MAN2B2: variants seen among roughly 807,000 people sequenced by gnomAD.
The protein encoded by MAN2B2 is mannosidase alpha class 2B member 2.
A neutral mutation model predicts 117.1 loss-of-function variants in MAN2B2; 106 were observed. The observed-to-expected ratio is 0.90, with a 90% confidence interval of 0.77 to 1.06. The LOEUF (loss-of-function observed/expected upper bound fraction) is 1.06, where lower values mean the gene tolerates loss of function less well. MAN2B2 is among the 50% of genes least tolerant of loss of function. The pLI, the probability that MAN2B2 is intolerant of heterozygous loss-of-function variation, is 0.00. For synonymous variants in MAN2B2, 544 were observed against 595.1 expected (o/e 0.91, Z 1.25); for missense variants, 1,326 against 1,381.4 (o/e 0.96, Z 0.64).
chr4:6,583,808 G>T (rs1296054698), intron 3 of MAN2B2, among the ~76,000 whole-genome samples: 6 of 152,180 alleles, frequency 3.9e-5, no homozygotes, highest in Admixed American at 3.9e-4. Flanking sequence ...GACTTTATAG[G>T]CTGGTCCCCT....
chr4:6,603,684 A>G (rs1488061326), intron 10 of MAN2B2, among the ~76,000 whole-genome samples: 1 of 152,140 alleles, frequency 6.6e-6, no homozygotes, highest in Non-Finnish European at 1.5e-5. Flanking sequence ...TGCCTGGGGC[A>G]TCTATTCCAG....
chr4:6,593,270 A>G lies in MAN2B2; in HGVS notation c.778A>G (p.Asn260Asp), dbSNP rs529902345. The change falls in exon 6 of 19, where the codon AAC (asparagine) becomes GAC (aspartate). Residue 260 changes from asparagine to aspartate, a missense_variant. Transcript: ENST00000285599. The part of the protein sequence containing the change: ...MSEPVTPANI[N>D]LYAEALVANV... ...TGAGCCTGTCACCCCAGCCAACATC[A>G]ACCTCTATGCCGAGGCCCTGGTGGC... 2.5e-6 allele frequency: 4 copies of G among 1,613,886 alleles called. No individual in the cohort carries two copies. The highest frequency in any genetic ancestry group is 3.4e-6 in the Non-Finnish European group (4 of 1,179,958).
intron 15 of MAN2B2, among the ~76,000 whole-genome samples, chr4:6,613,760 AAAG>A (rs149459615): frequency 0.041 from 6,040 of 145,966 alleles, 219 homozygotes; most frequent in East Asian, 0.12. Context: ...AGGGAAAAGA[AAAG>A]AAGAGAGGGA....
chr4:6,579,283 T>TCACCAC (rs1560634954), intron 3 of MAN2B2, among the ~76,000 whole-genome samples: 2 of 9,508 alleles, frequency 2.1e-4, no homozygotes, highest in South Asian at 3.4e-3. Flanking sequence ...ACCACCACCA[T>TCACCAC]CACCATCACC....
Position 6,609,259 on chromosome 4 carries a change from C to A in MAN2B2, c.1967C>A (p.Ala656Glu). The A allele has an allele frequency of 1.9e-6, 3 of 1,614,110 alleles. No homozygotes were observed. The highest frequency in any genetic ancestry group is 1.7e-6 in the Non-Finnish European group (2 of 1,180,000). Reference protein sequence around the residue: ...AWEAVEMEIVAGQLVTEIRQY... With the variant: ...AWEAVEMEIVEGQLVTEIRQY... ...GAAGCTGTGGAAATGGAGATTGTGG[C>A]GGGACAGCTTGTGACTGAGATCCGG... is the stretch of plus-strand genomic sequence containing the variant. Residue 656 changes from alanine (A) to glutamate (E), a missense_variant, in exon 12 of 19, where the codon GCG (alanine) becomes GAG (glutamate). Coordinates refer to ENST00000285599, the MANE Select transcript of MAN2B2 (RefSeq NM_015274.3).
intron 18 of MAN2B2, 197 bp downstream of exon 18, chr4:6,620,241 C>T (rs1425430685): frequency 5.5e-6 from 3 of 542,388 alleles, no homozygotes; most frequent in Non-Finnish European, 1.0e-5. Context: ...TCTCTGCCTG[C>T]CAGGGCTCCA....
In MAN2B2 at chr4:6,593,244, GT is replaced by G; in HGVS notation, c.753del (p.Ser251ArgfsTer20). 6.2e-7 allele frequency: 1 copy of G among 1,614,018 alleles called. No homozygotes were observed. On this transcript the variant is annotated frameshift_variant, in exon 6 of 19. Transcript: ENST00000285599. LOFTEE classifies it high-confidence loss of function. ...PPQDGVYPNM[S>X]EPVTPANINL... ...CAAGATGGGGTGTACCCCAACATGAGTGAGCCTGTCACCCCAGCCAACATCA... is the reference window on the plus strand; with the variant it reads ...CAAGATGGGGTGTACCCCAACATGAGGAGCCTGTCACCCCAGCCAACATCA...
chr4:6,611,658 T>A (rs952919997), intron 15 of MAN2B2, among the ~76,000 whole-genome samples: 6 of 152,224 alleles, frequency 3.9e-5, no homozygotes, highest in African/African-American at 9.6e-5. Context: ...TGGTGGCGCA[T>A]GCCTGTAATC....
At chr4:6,579,307 C>CCACCATCACCAT (rs1560635041) in intron 3 of MAN2B2, among the ~76,000 whole-genome samples, 4 of 66,816 alleles carry the variant, frequency 6.0e-5, no homozygotes, top group Non-Finnish European at 6.6e-5. Context: ...ACCATCACCA[C>CCACCATCACCAT]CACCACCACC....
chr4:6,613,278 C>G (rs1272703424), intron 15 of MAN2B2, among the ~76,000 whole-genome samples: 2 of 152,072 alleles, frequency 1.3e-5, no homozygotes, highest in Non-Finnish European at 2.9e-5. Context: ...GAACTGGCAT[C>G]CCAGATCTTG....
intron 9 of MAN2B2, among the ~76,000 whole-genome samples, chr4:6,598,828 C>G (rs766159794): frequency 2.6e-5 from 4 of 152,182 alleles, no homozygotes; most frequent in Non-Finnish European, 5.9e-5. Flanking sequence ...GGGGCCCGGT[C>G]CCTTCCTGGC....
rs545720173 is a variant in MAN2B2, at chr4:6,587,101, C to T, written c.497C>T (p.Ala166Val). The change falls in exon 4 of 19, where the codon GCG becomes GTG. Residue 166 changes from alanine (A) to valine (V), a missense_variant. Coordinates refer to ENST00000285599, the MANE Select transcript of MAN2B2 (RefSeq NM_015274.3). ...SATTPTLFALAGFNAHLGSRI... is the reference protein window; with the variant it reads ...SATTPTLFALVGFNAHLGSRI... ...ACGACGCCCACCCTATTTGCGCTGGCGGGCTTCAATGCCCACCTCGGCTCC... is the reference window on the plus strand; with the variant it reads ...ACGACGCCCACCCTATTTGCGCTGGTGGGCTTCAATGCCCACCTCGGCTCC... The T allele has an allele frequency of 5.0e-6, 8 of 1,613,978 alleles. No homozygotes were observed. In the East Asian group the frequency reaches 8.9e-5, roughly 18 times the overall value.
intron 12 of MAN2B2, 34 bp downstream of exon 12, chr4:6,609,332 A>T (rs1310496465): frequency 6.2e-7 from 1 of 1,602,092 alleles, no homozygotes; most frequent in Non-Finnish European, 8.5e-7. Flanking sequence ...ACAGCCCGGC[A>T]CACAGTCAGC....
In MAN2B2 at chr4:6,586,879, T is replaced by C. The variant is rs1431012703; in HGVS notation, c.392-117T>C. ...CTCTGCAGTTCTGCATGACCCTGCC[T>C]GGCCCAGTAGCTGGCACTGCAACCC... On this transcript the variant is annotated intron_variant, in intron 3 of 18. Coordinates refer to ENST00000285599, the MANE Select transcript of MAN2B2 (RefSeq NM_015274.3). 4 of 841,422 alleles carry C rather than the reference T, an allele frequency of 4.8e-6. No individual in the cohort carries two copies. In the Admixed American group the frequency reaches 7.0e-5, roughly 15 times the overall value. The allele number at this position is 841,422 out of a possible 1,614,324, so 52.1% of individuals were successfully genotyped here.
In MAN2B2 at chr4:6,617,448, G is replaced by T; in HGVS notation, c.2770G>T (p.Gly924Cys). ...LLRLYHLYEV[G>C]EDPVLSQPVT... ...GCGGCTCTACCACCTATATGAAGTG[G>T]GCGAGGACCCAGTCCTGTCTCAGCC... The change falls in exon 17 of 19, where the codon GGC becomes TGC. Residue 924 changes from glycine (G) to cysteine (C), a missense_variant. By Grantham distance (159) the Gly-to-Cys change is radical. Coordinates refer to ENST00000285599, the MANE Select transcript of MAN2B2 (RefSeq NM_015274.3). 1.2e-6 allele frequency: 2 copies of T among 1,614,150 alleles called. No homozygotes were observed. Among genetic ancestry groups the T allele is most frequent in the Non-Finnish European group, 1.7e-6 (2 of 1,180,020 alleles).
At chr4:6,618,942 G>A (rs1712027981) in intron 17 of MAN2B2, 1 of 152,206 alleles carries the variant, frequency 6.6e-6, no homozygotes, top group Admixed American at 6.5e-5. Flanking sequence ...GGGTACCAGT[G>A]CCCAGCACAG....
chr4:6,603,117 C>A (rs1727393516), intron 10 of MAN2B2, among the ~76,000 whole-genome samples: 1 of 152,168 alleles, frequency 6.6e-6, no homozygotes. Context: ...TGTGGGAAAG[C>A]CTTCAGGAAT....
rs370893562 is a variant in MAN2B2, at chr4:6,576,451, G to A, written c.139-127G>A. On this transcript the variant is annotated intron_variant, in intron 1 of 18. Transcript: ENST00000285599. ...AGCGAGTGCCTAATAGCTGTGTGGGGGGTGAGCAGCAGGGAAGGAAGGGCA... is the reference window on the plus strand; with the variant it reads ...AGCGAGTGCCTAATAGCTGTGTGGGAGGTGAGCAGCAGGGAAGGAAGGGCA... The A allele has an allele frequency of 1.0e-4, 114 of 1,091,842 alleles. 2 individuals are homozygous for A. In the East Asian group the frequency reaches 1.6e-3, roughly 16 times the overall value. The allele number at this position is 1,091,842 out of a possible 1,614,324, so 67.6% of individuals were successfully genotyped here. A position where few individuals can be genotyped will look rare whatever the true frequency, so the allele number is the denominator to read the frequency against.
intron 16 of MAN2B2, among the ~76,000 whole-genome samples, chr4:6,617,047 C>T (rs1807115): frequency 8.5e-5 from 13 of 152,292 alleles, no homozygotes; most frequent in Non-Finnish European, 1.6e-4. Flanking sequence ...AGCAAAGTCA[C>T]GTCTTACATG....
Sources: allele counts gnomAD v4.1 joint callset (sites outside exome capture counted in the v4.1 genomes callset), GRCh38; gene constraint gnomAD v4.1.1; transcripts MANE v1.5; gene names NCBI Gene and HGNC (gene_info 2026-07-23, HGNC 2026-07-21).